Variants in GAREM1 observed in about 807,000 individuals in gnomAD.
The protein encoded by GAREM1 is GRB2 associated regulator of MAPK1 subtype 1, also known as GRB2-associated and regulator of MAPK protein 1.
A neutral mutation model predicts 71.3 loss-of-function variants in GAREM1; 26 were observed. The observed-to-expected ratio is 0.36, with a 90% CI of 0.27 to 0.51. The LOEUF (loss-of-function observed/expected upper bound fraction) is 0.51, where lower values mean the gene tolerates loss of function less well. Among genes scored for constraint, GAREM1 ranks in the 20% least tolerant of loss-of-function variants. The pLI, the probability that GAREM1 is intolerant of heterozygous loss-of-function variation, is 0.95. For missense variants in GAREM1, 1,026 were observed against 1,103.1 expected (o/e 0.93, Z 0.99); for synonymous variants, 440 against 433.2 (o/e 1.02, Z -0.20).
chr18:32,433,551 C>G (rs1372980136), intron 1 of GAREM1, among the ~76,000 whole-genome samples: 1 of 151,642 alleles, frequency 6.6e-6, no homozygotes, highest in East Asian at 1.9e-4. Context: ...AATATCTACA[C>G]AGAAAATCCT....
At chr18:32,418,577 A>G (rs1227058048) in intron 1 of GAREM1, among the ~76,000 whole-genome samples, 3 of 152,204 alleles carry the variant, frequency 2.0e-5, no homozygotes, top group Admixed American at 6.5e-5. Flanking sequence ...AATCACTTTA[A>G]GCATGATGAT....
At chr18:32,463,022 C>T (rs897612915) in intron 1 of GAREM1, among the ~76,000 whole-genome samples, 4 of 151,812 alleles carry the variant, frequency 2.6e-5, no homozygotes, top group Non-Finnish European at 5.9e-5. Flanking sequence ...GGGGTGACTA[C>T]AGTCAACAAC....
intron 1 of GAREM1, among the ~76,000 whole-genome samples, chr18:32,447,174 C>T (rs754076878): frequency 1.3e-5 from 2 of 152,140 alleles, no homozygotes; most frequent in African/African-American, 2.4e-5. Context: ...GGAAGCTGTG[C>T]GTGGGTTTCT....
intron 2 of GAREM1, among the ~76,000 whole-genome samples, chr18:32,338,110 G>A (rs1424542644): frequency 6.6e-6 from 1 of 152,194 alleles, no homozygotes; most frequent in Admixed American, 6.5e-5. Flanking sequence ...TACAAAAAAT[G>A]CAGACGGAGG....
chr18:32,457,224 A>ATGTGTGTAT (rs1555648700), intron 1 of GAREM1, among the ~76,000 whole-genome samples: 2 of 107,362 alleles, frequency 1.9e-5, no homozygotes, highest in African/African-American at 3.7e-5. Flanking sequence ...AGAGAGAGAG[A>ATGTGTGTAT]GAGTGTGTGT....
At chr18:32,393,959 T>C (rs1401578573) in intron 1 of GAREM1, among the ~76,000 whole-genome samples, 4 of 152,230 alleles carry the variant, frequency 2.6e-5, no homozygotes, top group Admixed American at 2.0e-4. Context: ...AAGTTATTAG[T>C]GATTTAACTG....
At chr18:32,369,697 C>T (rs867435425) in intron 2 of GAREM1, among the ~76,000 whole-genome samples, 3 of 152,274 alleles carry the variant, frequency 2.0e-5, no homozygotes, top group South Asian at 4.1e-4. Context: ...TCTTTAATTT[C>T]TTCCTGATTC....
intron 1 of GAREM1, among the ~76,000 whole-genome samples, chr18:32,461,357 G>A (rs1424786496): frequency 5.9e-5 from 9 of 152,126 alleles, no homozygotes; most frequent in Non-Finnish European, 1.0e-4. Context: ...GGGAGTAGGG[G>A]TACAGCAGGG....
chr18:32,382,472 TG>T (rs964182219), intron 2 of GAREM1, among the ~76,000 whole-genome samples: 1 of 152,100 alleles, frequency 6.6e-6, no homozygotes, highest in Non-Finnish European at 1.5e-5. Flanking sequence ...AAAGCCTACC[TG>T]AGCAACAACC....
chr18:32,406,795 TAGG>T (rs1216223842), intron 1 of GAREM1, among the ~76,000 whole-genome samples: 1 of 152,022 alleles, frequency 6.6e-6, no homozygotes, highest in Non-Finnish European at 1.5e-5. Context: ...GCTCTAGGAA[TAGG>T]AGAAGAAACT....
intron 2 of GAREM1, among the ~76,000 whole-genome samples, chr18:32,385,574 T>C (rs938057587): frequency 6.6e-6 from 1 of 152,132 alleles, no homozygotes; most frequent in Non-Finnish European, 1.5e-5. Context: ...TCAAGTCTTA[T>C]ATATCTACTT....
At chr18:32,292,081 T>C (rs868845267) in intron 3 of GAREM1, among the ~76,000 whole-genome samples, 2 of 152,352 alleles carry the variant, frequency 1.3e-5, no homozygotes, top group South Asian at 4.1e-4. Flanking sequence ...TCTTCCACAA[T>C]GGTTGAACTA....
At chr18:32,316,283 T>C (rs2047377311) in intron 2 of GAREM1, among the ~76,000 whole-genome samples, 2 of 152,216 alleles carry the variant, frequency 1.3e-5, no homozygotes, top group South Asian at 4.1e-4. Flanking sequence ...TTCCTTTCAT[T>C]CGTTCTTTCA....
At chr18:32,342,957 G>GA (rs1193314498) in intron 2 of GAREM1, among the ~76,000 whole-genome samples, 1 of 152,140 alleles carries the variant, frequency 6.6e-6, no homozygotes, top group East Asian at 1.9e-4. Context: ...GTTTATAGAT[G>GA]AAATAACCTG....
At chr18:32,303,701 T>G (rs1028220692) in intron 3 of GAREM1, among the ~76,000 whole-genome samples, 2 of 151,952 alleles carry the variant, frequency 1.3e-5, no homozygotes, top group Non-Finnish European at 2.9e-5. Flanking sequence ...GAAGACTGTT[T>G]GAGGCCAGGA....
At chr18:32,288,354 A>C in intron 3 of GAREM1, 151 bp from the exon 4 acceptor site, 1 of 605,750 alleles carries the variant, frequency 1.7e-6, no homozygotes, top group Middle Eastern at 4.2e-4. Context: ...CTTTTATTAT[A>C]CTTACGTGAT....
rs2048816737 is a variant in GAREM1, at chr18:32,449,720, C to A, written c.121+20588G>T. ...AGAAGTTTAATAAATATTCTTTCAT[C>A]TTCTGTGAAGACCAGAATTATTATT... On this transcript the variant is annotated intron_variant, in intron 1 of 5. Transcript: ENST00000269209. 3.9e-5 allele frequency among the ~76,000 whole-genome samples: 6 copies of A among 152,314 alleles called. No individual in the cohort carries two copies. In the South Asian group the frequency reaches 1.2e-3, roughly 32 times the overall value.
chr18:32,369,445 A>G (rs1366559205), intron 2 of GAREM1, among the ~76,000 whole-genome samples: 2 of 152,150 alleles, frequency 1.3e-5, no homozygotes, highest in Non-Finnish European at 2.9e-5. Flanking sequence ...TACATTTTAT[A>G]TGGTTATGTT....
At chr18:32,316,404 T>C (rs1452624585) in intron 2 of GAREM1, among the ~76,000 whole-genome samples, 3 of 152,238 alleles carry the variant, frequency 2.0e-5, no homozygotes, top group African/African-American at 7.2e-5. Flanking sequence ...ACATATTATA[T>C]TTTAAACTTT....
Sources: allele counts gnomAD v4.1 joint callset (sites outside exome capture counted in the v4.1 genomes callset), GRCh38; gene constraint gnomAD v4.1.1; transcripts MANE v1.5; gene names NCBI Gene and HGNC (gene_info 2026-07-23, HGNC 2026-07-21).